Variants in TMPRSS11E observed in about 807,000 individuals in gnomAD.
The protein encoded by TMPRSS11E is transmembrane serine protease 11E, also known as transmembrane protease serine 11E.
Under a neutral mutation model 48.1 loss-of-function variants are expected in TMPRSS11E, and 38 were observed. The observed-to-expected ratio is 0.79, with a 90% confidence interval of 0.61 to 1.04. The LOEUF is 1.04. TMPRSS11E is among the 50% of genes least tolerant of loss of function. TMPRSS11E has a pLI of 0.00. For synonymous variants in TMPRSS11E, 158 were observed against 171.9 expected, an observed-to-expected ratio of 0.92 and a Z score of 0.63; for missense variants, 530 against 510.8, an observed-to-expected ratio of 1.04 and a Z score of -0.36.
chr4:68,488,564 A>T (rs1578145590), intron 9 of TMPRSS11E, among the ~76,000 whole-genome samples: 1 of 151,652 alleles, frequency 6.6e-6, no homozygotes, highest in African/African-American at 2.4e-5. Context: ...TTTCTCTCAG[A>T]GTCTCACTCG....
intron 9 of TMPRSS11E, among the ~76,000 whole-genome samples, chr4:68,479,587 C>T (rs1729349655): frequency 6.7e-6 from 1 of 149,850 alleles, no homozygotes; most frequent in African/African-American, 2.4e-5. Flanking sequence ...CTTACTTCCC[C>T]TTAAATCCCT....
At position 68,468,890 on chromosome 4, in the gene TMPRSS11E, A is replaced by G. The variant is rs1728990485; in HGVS notation, c.270A>G (p.Ala90=). ...SQRLESMVKN[A]FYKSPLREEF... is the part of the protein sequence containing the mutation. The stretch of plus-strand genomic sequence containing the variant: ...ATTTTTACAAACAGGTGAAAAATGC[A>G]TTTTATAAATCTCCATTAAGGGAAG... The change falls in exon 4 of 10, where the codon GCA becomes GCG. Residue 90 remains alanine, a synonymous_variant. Coordinates refer to ENST00000305363, the MANE Select transcript of TMPRSS11E (RefSeq NM_014058.4). 1 of 1,607,368 alleles carries G rather than the reference A, an allele frequency of 6.2e-7. No individual in the cohort carries two copies. Among genetic ancestry groups the G allele is most frequent in the Admixed American group, 1.7e-5 (1 of 59,858 alleles).
chr4:68,457,727 A>G (rs1728672875), intron 1 of TMPRSS11E, among the ~76,000 whole-genome samples: 1 of 152,134 alleles, frequency 6.6e-6, no homozygotes, highest in Non-Finnish European at 1.5e-5. Flanking sequence ...CATGGCACAT[A>G]TACACCATGG....
chr4:68,455,256 G>A (rs187554887), intron 1 of TMPRSS11E, among the ~76,000 whole-genome samples: 1 of 152,036 alleles, frequency 6.6e-6, no homozygotes, highest in East Asian at 1.9e-4. Flanking sequence ...AACAAATGCT[G>A]AATTTTAATT....
At chr4:68,459,458 T>C (rs1360303982) in intron 1 of TMPRSS11E, among the ~76,000 whole-genome samples, 3 of 152,204 alleles carry the variant, frequency 2.0e-5, no homozygotes, top group Non-Finnish European at 4.4e-5. Context: ...GTTATTCGGC[T>C]TCTTACTAAT....
At chr4:68,479,293 CCTA>C (rs1729337003) in intron 9 of TMPRSS11E, among the ~76,000 whole-genome samples, 1 of 152,032 alleles carries the variant, frequency 6.6e-6, no homozygotes, top group South Asian at 2.1e-4. Context: ...TTTCCCTCCT[CCTA>C]CTATCCCTAA....
chr4:68,469,269 T>G (rs1254673384), intron 4 of TMPRSS11E, among the ~76,000 whole-genome samples: 2 of 152,000 alleles, frequency 1.3e-5, no homozygotes, highest in Non-Finnish European at 2.9e-5. Context: ...TAGTGCCCCA[T>G]GTAAGACAAT....
chr4:68,495,348 G>A (rs1729836773), intron 9 of TMPRSS11E, among the ~76,000 whole-genome samples: 1 of 151,784 alleles, frequency 6.6e-6, no homozygotes, highest in South Asian at 2.1e-4. Flanking sequence ...GCTGATTAAA[G>A]CTTTGTTTTC....
chr4:68,488,818 G>A (rs1175963444), intron 9 of TMPRSS11E, among the ~76,000 whole-genome samples: 6 of 152,202 alleles, frequency 3.9e-5, no homozygotes, highest in Non-Finnish European at 4.4e-5. Flanking sequence ...GGGATTACAG[G>A]CGTGAGCCAC....
At chr4:68,451,685 C>T (rs1356202106) in intron 1 of TMPRSS11E, among the ~76,000 whole-genome samples, 3 of 151,936 alleles carry the variant, frequency 2.0e-5, no homozygotes, top group African/African-American at 4.8e-5. Flanking sequence ...TTTAGTTTCA[C>T]ATGTACTATC....
chr4:68,457,986 A>G (rs1324608936), intron 1 of TMPRSS11E, among the ~76,000 whole-genome samples: 4 of 152,116 alleles, frequency 2.6e-5, no homozygotes, highest in Non-Finnish European at 4.4e-5. Context: ...AATGTAGATG[A>G]TGGGTTGATG....
At chr4:68,475,933 T>C (rs1729199683) in intron 6 of TMPRSS11E, among the ~76,000 whole-genome samples, 1 of 152,216 alleles carries the variant, frequency 6.6e-6, no homozygotes, top group Non-Finnish European at 1.5e-5. Context: ...CAGAGTGTGT[T>C]TGTTATACAC....
At chr4:68,449,221 A>T (rs1057228247) in intron 1 of TMPRSS11E, among the ~76,000 whole-genome samples, 2 of 150,724 alleles carry the variant, frequency 1.3e-5, no homozygotes, top group African/African-American at 2.4e-5. Flanking sequence ...CTTATTTTGG[A>T]CTATTCTTTG....
At chr4:68,487,371 G>T (rs1729586648) in intron 9 of TMPRSS11E, among the ~76,000 whole-genome samples, 1 of 151,828 alleles carries the variant, frequency 6.6e-6, no homozygotes, top group Non-Finnish European at 1.5e-5. Flanking sequence ...TTCTGCCTTA[G>T]CCTCCTGAGT....
At chr4:68,474,378 C>T (rs1396413244) in intron 5 of TMPRSS11E, among the ~76,000 whole-genome samples, 2 of 151,938 alleles carry the variant, frequency 1.3e-5, no homozygotes, top group Non-Finnish European at 2.9e-5. Context: ...GTAGTATTTC[C>T]CATGGAGGGG....
At chr4:68,459,091 A>G (rs1288978431) in intron 1 of TMPRSS11E, among the ~76,000 whole-genome samples, 1 of 152,150 alleles carries the variant, frequency 6.6e-6, no homozygotes, top group African/African-American at 2.4e-5. Flanking sequence ...GCTCAGAAAT[A>G]TAATCTCTTA....
chr4:68,465,276 A>T (rs888785399), intron 2 of TMPRSS11E, among the ~76,000 whole-genome samples: 2 of 152,076 alleles, frequency 1.3e-5, no homozygotes, highest in African/African-American at 4.8e-5. Flanking sequence ...CATCTCTTTT[A>T]TTCATCACCA....
chr4:68,458,504 A>G (rs914927448), intron 1 of TMPRSS11E, among the ~76,000 whole-genome samples: 4 of 152,196 alleles, frequency 2.6e-5, no homozygotes, highest in African/African-American at 9.6e-5. Context: ...TTTTACACGA[A>G]TAGGTGCACA....
chr4:68,487,061 T>C (rs976021268), intron 9 of TMPRSS11E, among the ~76,000 whole-genome samples: 2 of 152,188 alleles, frequency 1.3e-5, no homozygotes, highest in Admixed American at 1.3e-4. Context: ...AGTTGGGTCT[T>C]GCTTCTTTAT....
Sources: gnomAD v4.1 joint callset for allele counts (sites outside exome capture counted in the v4.1 genomes callset) on GRCh38, gnomAD v4.1.1 for gene constraint, MANE v1.5 for transcripts, NCBI Gene and HGNC (gene_info 2026-07-23, HGNC 2026-07-21) for gene names.